The following SEC31A variants were observed in gnomAD, a reference collection of about 807,000 sequenced individuals.
SEC31A encodes protein transport protein Sec31A.
Under a neutral mutation model 151.0 loss-of-function variants are expected in SEC31A, and 70 were observed. That is an observed-to-expected ratio of 0.46 (90% CI 0.38 to 0.57). SEC31A has a LOEUF of 0.57. Among genes scored for constraint, SEC31A ranks in the 20% least tolerant of loss-of-function variants. The probability of loss-of-function intolerance (pLI) is 0.00; values close to 1 mark genes in which losing one functional copy is unlikely to be tolerated. For synonymous variants in SEC31A, 475 were observed against 505.9 expected, an observed-to-expected ratio of 0.94 and a Z score of 0.82; for missense variants, 1,330 against 1,471.2, an observed-to-expected ratio of 0.90 and a Z score of 1.57.
intron 18 of SEC31A, 39 bp from the exon 19 acceptor site, chr4:82,851,643 A>C (rs1461950029): frequency 1.3e-6 from 2 of 1,530,416 alleles, no homozygotes; most frequent in Admixed American, 1.8e-5. Context: ...AAATATCAAG[A>C]CCATGTATGA....
chr4:82,889,920 A>T (rs1042731186), intron 1 of SEC31A, among the ~76,000 whole-genome samples: 4 of 152,164 alleles, frequency 2.6e-5, no homozygotes, highest in Non-Finnish European at 5.9e-5. Flanking sequence ...CAAGGAGCAC[A>T]GAAGAACCAC....
chr4:82,869,296 A>ATTTTT (rs747027053), intron 8 of SEC31A, among the ~76,000 whole-genome samples: 59 of 128,712 alleles, frequency 4.6e-4, no homozygotes, highest in African/African-American at 1.7e-3. Flanking sequence ...ATTTTTTTGT[A>ATTTTT]TTTTTTTTTT....
At chr4:82,890,371 TAA>T (rs1464381706) in intron 1 of SEC31A, among the ~76,000 whole-genome samples, 2 of 151,970 alleles carry the variant, frequency 1.3e-5, no homozygotes, top group East Asian at 1.9e-4. Flanking sequence ...TTAGAAAAAA[TAA>T]GTTAGGAGAA....
intron 1 of SEC31A, among the ~76,000 whole-genome samples, chr4:82,888,405 G>A: frequency 1.1e-5 from 1 of 89,548 alleles, no homozygotes; most frequent in East Asian, 2.6e-4. Flanking sequence ...TATACACACA[G>A]ACACGGCCAG....
intron 3 of SEC31A, 56 bp from the exon 4 acceptor site, chr4:82,878,984 A>G: frequency 7.4e-7 from 1 of 1,356,972 alleles, no homozygotes; most frequent in Non-Finnish European, 1.0e-6. Context: ...AATGTAGACA[A>G]AAAATTGAAA....
In SEC31A at chr4:82,845,672, A is replaced by AT. The variant is rs34730929; in HGVS notation, c.2503-1164dup. ...AAAAAAGTAATTGAGTAAAAAAGTG[A>AT]TTTTTTTTTTGGAAGCATTAATAGT... On this transcript the variant is annotated intron_variant, in intron 20 of 26. Coordinates refer to ENST00000395310, the MANE Select transcript of SEC31A (RefSeq NM_001077207.4). 3.2e-3 allele frequency among the ~76,000 whole-genome samples: 487 copies of AT among 150,234 alleles called. 2 individuals are homozygous for AT. Among genetic ancestry groups the AT allele is most frequent in the Admixed American group, 5.8e-3 (88 of 15,076 alleles).
chr4:82,844,851 T>C (rs1037642201), intron 20 of SEC31A, among the ~76,000 whole-genome samples: 3 of 152,154 alleles, frequency 2.0e-5, no homozygotes, highest in Non-Finnish European at 4.4e-5. Flanking sequence ...ATAAATGCCA[T>C]AAAGGGATCT....
chr4:82,823,348 T>C (rs1723824127), intron 25 of SEC31A, among the ~76,000 whole-genome samples: 1 of 152,224 alleles, frequency 6.6e-6, no homozygotes. Flanking sequence ...AGGGCTAGCA[T>C]GTATCTGGTT....
At chr4:82,842,800 C>T in intron 21 of SEC31A, 1 of 237,510 alleles carries the variant, frequency 4.2e-6, no homozygotes. Flanking sequence ...CAACAGTGAC[C>T]ACCAGATGGA....
upstream of SEC31A, among the ~76,000 whole-genome samples, chr4:82,892,708 C>T (rs1464570584): frequency 4.6e-5 from 7 of 151,410 alleles, no homozygotes; most frequent in East Asian, 3.9e-4. Flanking sequence ...ATGTAACTGG[C>T]GACTGATCAT....
At chr4:82,883,795 A>G (rs1560669096) in intron 1 of SEC31A, among the ~76,000 whole-genome samples, 1 of 151,602 alleles carries the variant, frequency 6.6e-6, no homozygotes, top group Admixed American at 6.6e-5. Flanking sequence ...CGCCACTGCA[A>G]TCCAGCCTGG....
intron 14 of SEC31A, among the ~76,000 whole-genome samples, chr4:82,860,565 T>C (rs1733888206): frequency 6.6e-6 from 1 of 152,134 alleles, no homozygotes; most frequent in Admixed American, 6.6e-5. Flanking sequence ...AACCACGAAC[T>C]CTTGGGCTTA....
At chr4:82,896,358 C>T (rs573429039) in intron 3 of SEC31A, among the ~76,000 whole-genome samples, 154 of 152,298 alleles carry the variant, frequency 1.0e-3, no homozygotes, top group Middle Eastern at 6.8e-3. Context: ...GCTGGGGTTA[C>T]AGGTGCGTGC....
intron 1 of SEC31A, among the ~76,000 whole-genome samples, chr4:82,882,401 CAAAAAAAAAAAAAA>C (rs57974382): frequency 8.5e-4 from 79 of 92,476 alleles, no homozygotes; most frequent in African/African-American, 3.0e-3. Flanking sequence ...GACTCTATCT[CAAAAAAAAAAAAAA>C]AAAAAAAAAA....
rs1300287961 is a variant in SEC31A, at chr4:82,882,611, AAGAGC to A, written c.-4-676_-4-672del. Among the ~76,000 whole-genome samples the A allele has an allele frequency of 3.9e-5, 6 of 152,290 alleles. No individual in the cohort carries two copies. In the East Asian group the frequency reaches 7.7e-4, roughly 20 times the overall value. ...GGATGGATGACAAAACATTACGGGT[AAGAGC>A]AGCCAAAAAATAAATAAGGTGCAAC... On this transcript the variant is annotated intron_variant, in intron 1 of 26. Transcript: ENST00000395310.
chr4:82,853,109 T>C (rs1731810669), intron 18 of SEC31A, among the ~76,000 whole-genome samples: 1 of 152,218 alleles, frequency 6.6e-6, no homozygotes, highest in Non-Finnish European at 1.5e-5. Context: ...TACTGGTTTA[T>C]GGCCTGGGGG....
intron 7 of SEC31A, among the ~76,000 whole-genome samples, chr4:82,870,811 G>A (rs535205592): frequency 6.6e-6 from 1 of 152,190 alleles, no homozygotes; most frequent in Non-Finnish European, 1.5e-5. Flanking sequence ...ACAAATACAT[G>A]GATGTTCAAT....
At chr4:82,842,548 T>C in intron 21 of SEC31A, 67 bp from the exon 22 acceptor site, 2 of 1,170,406 alleles carry the variant, frequency 1.7e-6, no homozygotes, top group East Asian at 5.1e-5. Context: ...AGCAGAAAAC[T>C]AAAAAGTTAT....
At position 82,875,760 on chromosome 4, in the gene SEC31A, A is replaced by G. The variant is rs1185684903; in HGVS notation, c.465T>C (p.Phe155=). ...SEIYIWDLNN[F]ATPMTPGAKT... ...TGGCTCCTGGTGTCATTGGGGTTGC[A>G]AAATTATTTAGATCCCATATGTAGA... Residue 155 remains phenylalanine, a synonymous_variant, in exon 5 of 27, where the codon TTT becomes TTC. Coordinates refer to ENST00000395310, the MANE Select transcript of SEC31A (RefSeq NM_001077207.4). 3.1e-6 allele frequency: 5 copies of G among 1,607,780 alleles called. No homozygotes were observed. The African/African-American group carries it at 6.7e-5, about 21-fold the overall frequency.
Sources: gnomAD v4.1 joint callset for allele counts (sites outside exome capture counted in the v4.1 genomes callset) on GRCh38, gnomAD v4.1.1 for gene constraint, MANE v1.5 for transcripts, NCBI Gene and HGNC (gene_info 2026-07-23, HGNC 2026-07-21) for gene names.